The following GFRA1 variants were observed in gnomAD, a reference collection of about 807,000 sequenced individuals.
The protein encoded by GFRA1 is GDNF family receptor alpha 1.
GFRA1 carries 16 observed loss-of-function variants against 51.6 expected under a neutral mutation model. That is an observed-to-expected ratio of 0.31 (90% confidence interval 0.21 to 0.47). The LOEUF (loss-of-function observed/expected upper bound fraction) is 0.47. GFRA1 is among the 20% of genes least tolerant of loss of function. The pLI is 1.00. For missense variants in GFRA1, 530 were observed against 594.3 expected (o/e 0.89, Z 1.13); for synonymous variants, 270 against 241.3 (o/e 1.12, Z -1.10).
At chr10:116,084,714 A>C (rs946726198) in intron 9 of GFRA1, among the ~76,000 whole-genome samples, 2 of 151,816 alleles carry the variant, frequency 1.3e-5, no homozygotes, top group Non-Finnish European at 2.9e-5. Flanking sequence ...AATGATGCAA[A>C]ATAGAGAATT....
intron 4 of GFRA1, among the ~76,000 whole-genome samples, chr10:116,221,704 C>T (rs1290201221): frequency 6.6e-6 from 1 of 152,086 alleles, no homozygotes; most frequent in Non-Finnish European, 1.5e-5. Context: ...GGATTACAGG[C>T]GTGAATCACC....
At chr10:116,116,322 G>T (rs1428158746) in intron 6 of GFRA1, among the ~76,000 whole-genome samples, 3 of 152,244 alleles carry the variant, frequency 2.0e-5, no homozygotes, top group Non-Finnish European at 4.4e-5. Context: ...CAGGGAGAAG[G>T]CAGGAAGGTG....
At chr10:116,173,872 TTCGA>T (rs34958405) in intron 5 of GFRA1, among the ~76,000 whole-genome samples, 88,715 of 151,206 alleles carry the variant, frequency 0.59, 25,940 homozygotes, top group Middle Eastern at 0.63. Flanking sequence ...AGGTCGGGAG[TTCGA>T]TCGAGACCAG....
At chr10:116,237,574 C>CAA (rs5788145) in intron 4 of GFRA1, among the ~76,000 whole-genome samples, 8 of 112,552 alleles carry the variant, frequency 7.1e-5, no homozygotes, top group East Asian at 3.0e-4. Flanking sequence ...AAACTAAAGG[C>CAA]AAAAAAAAAA....
chr10:116,273,671 GTCTCTCTCTCTCTC>G (rs60112716), upstream of GFRA1, among the ~76,000 whole-genome samples: 14,176 of 147,494 alleles, frequency 0.096, 840 homozygotes, highest in East Asian at 0.28. Flanking sequence ...CTCTCTCTCT[GTCTCTCTCTCTCTC>G]TCTCTCTCTC....
At position 116,057,815 on chromosome 10, in the gene GFRA1, C is replaced by A. The variant is rs1478067824; in HGVS notation, c.*6583G>T. The A allele has an allele frequency of 6.6e-6, 1 of 151,560 alleles. No homozygotes were observed. Among genetic ancestry groups the A allele is most frequent in the African/African-American group, 2.4e-5 (1 of 41,198 alleles). The allele number at this position is 151,560 out of a possible 1,614,324, so 9.4% of individuals were successfully genotyped here. On this transcript the variant is annotated 3_prime_UTR_variant, in exon 11 of 11. Coordinates refer to ENST00000355422, the MANE Select transcript of GFRA1 (RefSeq NM_005264.8). ...ACATCAGAAATGCCCAATGACAGAC[C>A]ACAGCCAAATATGGCAGGGCAAACT... is the stretch of plus-strand genomic sequence containing the variant.
At chr10:116,077,019 G>A (rs1177969167) in intron 9 of GFRA1, among the ~76,000 whole-genome samples, 1 of 152,094 alleles carries the variant, frequency 6.6e-6, no homozygotes, top group Non-Finnish European at 1.5e-5. Context: ...TCACTTTATA[G>A]AATAGTAAAC....
At chr10:116,094,903 C>G (rs1956509234) in intron 7 of GFRA1, among the ~76,000 whole-genome samples, 1 of 152,190 alleles carries the variant, frequency 6.6e-6, no homozygotes, top group Non-Finnish European at 1.5e-5. Context: ...ATTGGATATG[C>G]CTGGTGCCAC....
At chr10:116,160,784 C>A (rs1408650594) in intron 5 of GFRA1, among the ~76,000 whole-genome samples, 1 of 152,202 alleles carries the variant, frequency 6.6e-6, no homozygotes, top group African/African-American at 2.4e-5. Context: ...GGCACACAGC[C>A]ATGAATACAT....
chr10:116,196,845 A>T (rs12416035), intron 5 of GFRA1, among the ~76,000 whole-genome samples: 12,997 of 90,668 alleles, frequency 0.14, 931 homozygotes, highest in Admixed American at 0.29. Context: ...ATATATATAT[A>T]TATTTTTTTT....
chr10:116,107,434 TTAAGGTC>T (rs1484320407), intron 6 of GFRA1, among the ~76,000 whole-genome samples: 3 of 152,240 alleles, frequency 2.0e-5, no homozygotes, highest in Non-Finnish European at 4.4e-5. Context: ...ATCCCCTTTT[TTAAGGTC>T]TTCATGTGTT....
chr10:116,133,331 G>C (rs1189898020), intron 5 of GFRA1, among the ~76,000 whole-genome samples: 1 of 152,124 alleles, frequency 6.6e-6, no homozygotes, highest in African/African-American at 2.4e-5. Flanking sequence ...CTCTCTGGCT[G>C]TGATCACATC....
At chr10:116,128,501 C>T (rs1377697903) in intron 5 of GFRA1, among the ~76,000 whole-genome samples, 1 of 151,902 alleles carries the variant, frequency 6.6e-6, no homozygotes, top group Non-Finnish European at 1.5e-5. Context: ...CGAGGTGGAC[C>T]GATCACAAGG....
At chr10:116,087,075 C>T (rs1232323278) in intron 9 of GFRA1, among the ~76,000 whole-genome samples, 2 of 152,204 alleles carry the variant, frequency 1.3e-5, no homozygotes, top group Admixed American at 1.3e-4. Flanking sequence ...GTTTAGGAAG[C>T]AGAGTTCCTA....
chr10:116,108,886 T>C (rs1957095864), intron 6 of GFRA1, among the ~76,000 whole-genome samples: 2 of 152,196 alleles, frequency 1.3e-5, no homozygotes. Flanking sequence ...AAATAACTGT[T>C]GAATAAATGA....
In GFRA1 at chr10:116,211,503, GT is replaced by G. The variant is rs1965191419; in HGVS notation, c.433+127del. The G allele has an allele frequency of 4.9e-6, 4 of 823,880 alleles. No homozygotes were observed. The East Asian group carries it at 8.0e-5, about 17-fold the overall frequency. 51.0% of individuals were successfully genotyped at this position (823,880 alleles called of 1,614,324 possible). On this transcript the variant is annotated intron_variant, in intron 5 of 10. Coordinates refer to ENST00000355422, the MANE Select transcript of GFRA1 (RefSeq NM_005264.8). The stretch of plus-strand genomic sequence containing the variant: ...CACTTTAAGCCACTGTCCTCATGGT[GT>G]CCCTGAGGGCCTAAATGACATGTCC...
intron 6 of GFRA1, among the ~76,000 whole-genome samples, chr10:116,104,871 C>T (rs2133943505): frequency 6.6e-6 from 1 of 152,294 alleles, no homozygotes; most frequent in South Asian, 2.1e-4. Context: ...AGCCTTAGAT[C>T]AGATGTCCCT....
intron 5 of GFRA1, among the ~76,000 whole-genome samples, chr10:116,190,443 G>C (rs78007195): frequency 0.019 from 2,885 of 152,298 alleles, 75 homozygotes; most frequent in African/African-American, 0.065. Context: ...TCTACAGACA[G>C]GAGAAGGAAA....
chr10:116,195,081 C>T (rs1471659490), intron 5 of GFRA1, among the ~76,000 whole-genome samples: 2 of 152,120 alleles, frequency 1.3e-5, no homozygotes, highest in African/African-American at 4.8e-5. Context: ...ACTTTATTTA[C>T]AAAAATAGGT....
Sources: allele counts gnomAD v4.1 joint callset (sites outside exome capture counted in the v4.1 genomes callset), GRCh38; gene constraint gnomAD v4.1.1; transcripts MANE v1.5; gene names NCBI Gene and HGNC (gene_info 2026-07-23, HGNC 2026-07-21).